Variants in RAPGEF1 observed in about 807,000 individuals in gnomAD.
RAPGEF1 encodes the protein Rap guanine nucleotide exchange factor 1.
RAPGEF1 carries 33 observed loss-of-function variants against 143.3 expected under a neutral mutation model. The ratio of observed to expected loss-of-function variants is 0.23; its 90% CI spans 0.17 to 0.31. RAPGEF1 has a LOEUF of 0.31. Among genes scored for constraint, RAPGEF1 ranks in the 10% least tolerant of loss-of-function variants. The pLI is 1.00. For missense variants in RAPGEF1, 1,199 were observed against 1,645.4 expected (o/e 0.73, Z 4.69); for synonymous variants, 629 against 676.5 (o/e 0.93, Z 1.09).
intron 17 of RAPGEF1, among the ~76,000 whole-genome samples, chr9:131,593,921 C>T (rs1954798251): frequency 6.6e-6 from 1 of 152,234 alleles, no homozygotes; most frequent in Admixed American, 6.5e-5. Context: ...GCATCATTGC[C>T]AGTAGCCATG....
At chr9:131,599,400 C>T (rs991302901) in intron 15 of RAPGEF1, among the ~76,000 whole-genome samples, 17 of 143,414 alleles carry the variant, frequency 1.2e-4, no homozygotes, top group Admixed American at 3.5e-4. Flanking sequence ...AGATTATAAG[C>T]ATGAGCCACC....
Position 131,628,143 on chromosome 9 carries a change from G to T in RAPGEF1, c.1018-47C>A. 1 of 1,468,098 alleles carries T rather than the reference G, an allele frequency of 6.8e-7. No individual in the cohort carries two copies. The highest frequency in any genetic ancestry group is 9.1e-7 in the Non-Finnish European group (1 of 1,104,260). 90.9% of individuals were successfully genotyped at this position (1,468,098 alleles called of 1,614,324 possible). On this transcript the variant is annotated intron_variant, in intron 8 of 26. Coordinates refer to ENST00000683357, the MANE Select transcript of RAPGEF1 (RefSeq NM_001377935.1). The surrounding 1 kb of genome is among the most constrained non-coding windows in gnomAD (Gnocchi z 5.7). ...AAAGCCAAATCACTTCTGAGAAACG[G>T]TGGCACAGACCAGGGGTGAGGCAAC...
At chr9:131,616,190 C>G (rs2132731313) in intron 12 of RAPGEF1, among the ~76,000 whole-genome samples, 1 of 152,208 alleles carries the variant, frequency 6.6e-6, no homozygotes, top group African/African-American at 2.4e-5. Context: ...ACGCTTGAAC[C>G]TGGGAGGCGG....
intron 1 of RAPGEF1, among the ~76,000 whole-genome samples, chr9:131,708,272 C>T (rs905417144): frequency 3.3e-5 from 5 of 152,150 alleles, no homozygotes; most frequent in East Asian, 1.9e-4. Flanking sequence ...CAAATGCTAC[C>T]GCAACTTCTT....
chr9:131,614,225 T>C (rs931674937), intron 12 of RAPGEF1, among the ~76,000 whole-genome samples: 2 of 152,068 alleles, frequency 1.3e-5, no homozygotes, highest in Non-Finnish European at 2.9e-5. Flanking sequence ...CCCTGCTCTC[T>C]CTCTCAATGT....
At chr9:131,617,385 A>C (rs1472492581) in intron 12 of RAPGEF1, among the ~76,000 whole-genome samples, 2 of 152,268 alleles carry the variant, frequency 1.3e-5, no homozygotes, top group Non-Finnish European at 2.9e-5. Flanking sequence ...GTGAGGCCTC[A>C]GTACCCATTG....
chr9:131,598,891 C>T (rs1334559072), intron 15 of RAPGEF1, among the ~76,000 whole-genome samples: 1 of 148,088 alleles, frequency 6.8e-6, no homozygotes, highest in Admixed American at 6.8e-5. Flanking sequence ...GTGGCGCAAT[C>T]TTGGCTCATC....
intron 1 of RAPGEF1, among the ~76,000 whole-genome samples, chr9:131,685,700 AG>A (rs1833288089): frequency 6.6e-6 from 1 of 152,198 alleles, no homozygotes; most frequent in Admixed American, 6.5e-5. Flanking sequence ...TCAGCTCTGA[AG>A]GCTGTGAGAC....
intron 1 of RAPGEF1, among the ~76,000 whole-genome samples, chr9:131,729,434 C>T (rs1248696398): frequency 1.3e-5 from 2 of 152,246 alleles, no homozygotes; most frequent in Non-Finnish European, 2.9e-5. Flanking sequence ...AAAGCAGATT[C>T]TCATGCAATA....
Position 131,605,153 on chromosome 9 carries a change from G to A in RAPGEF1, c.2097C>T (p.Phe699=), listed in dbSNP as rs368301616. The A allele has an allele frequency of 1.3e-5, 18 of 1,360,336 alleles. No homozygotes were observed. The highest frequency in any genetic ancestry group is 9.2e-5 in the East Asian group (2 of 21,832). 84.3% of individuals were successfully genotyped at this position (1,360,336 alleles called of 1,614,324 possible). A position where few individuals can be genotyped will look rare whatever the true frequency, so the allele number is the denominator to read the frequency against. ...KSVFRSYSQD[F]VPHHQASVPP... ...GAACGGAAGCTTGGTGGTGAGGCAC[G>A]AAATCCTGGGAGTAGGACCTAAACA... The change falls in exon 13 of 27, where the codon TTC becomes TTT. Residue 699 remains phenylalanine (F), a synonymous_variant. Transcript: ENST00000683357.
At chr9:131,717,578 T>C (rs1463397766) in intron 1 of RAPGEF1, among the ~76,000 whole-genome samples, 1 of 151,978 alleles carries the variant, frequency 6.6e-6, no homozygotes, top group Non-Finnish European at 1.5e-5. Flanking sequence ...GAGTTCAAGA[T>C]CAGTCTTGGC....
chr9:131,688,005 G>A (rs1384606386), intron 1 of RAPGEF1, among the ~76,000 whole-genome samples: 1 of 152,062 alleles, frequency 6.6e-6, no homozygotes, highest in Non-Finnish European at 1.5e-5. Flanking sequence ...GAGGCTTCCC[G>A]GAACCTCTGA....
At chr9:131,590,842 G>A (rs1466623316) in intron 18 of RAPGEF1, among the ~76,000 whole-genome samples, 2 of 152,366 alleles carry the variant, frequency 1.3e-5, no homozygotes, top group East Asian at 3.9e-4. Flanking sequence ...AGGCAGCAGG[G>A]GGCAAGCAGC....
intron 14 of RAPGEF1, 146 bp from the exon 15 acceptor site, chr9:131,602,295 G>A (rs760984444): frequency 2.8e-5 from 17 of 599,474 alleles, no homozygotes; most frequent in African/African-American, 7.4e-5. Flanking sequence ...GATGAATGCC[G>A]TTAATCACAG....
intron 9 of RAPGEF1, among the ~76,000 whole-genome samples, chr9:131,627,623 A>T (rs951268244): frequency 1.3e-5 from 2 of 152,124 alleles, no homozygotes; most frequent in African/African-American, 2.4e-5. Context: ...AATGGCTCTT[A>T]ATTTTGGTAA....
At chr9:131,711,760 C>T (rs1349508239) in intron 1 of RAPGEF1, among the ~76,000 whole-genome samples, 1 of 152,138 alleles carries the variant, frequency 6.6e-6, no homozygotes, top group Non-Finnish European at 1.5e-5. Flanking sequence ...ATTTATTTTA[C>T]AGAGTTGGAT....
chr9:131,582,274 T>A (rs4740286), intron 25 of RAPGEF1, among the ~76,000 whole-genome samples: 6,405 of 151,976 alleles, frequency 0.042, 281 homozygotes, highest in East Asian at 0.18. Context: ...CATACATCTG[T>A]CACAAGCATG....
At position 131,719,535 on chromosome 9, in the gene RAPGEF1, C is replaced by T. The variant is rs369484505; in HGVS notation, c.61+20235G>A. Among the ~76,000 whole-genome samples, 5 of 145,052 alleles carry T rather than the reference C, an allele frequency of 3.4e-5. No homozygotes were observed. The South Asian group carries it at 8.7e-4, about 25-fold the overall frequency. Reference sequence around the variant, plus strand: ...AGCTCTTCAACCCAGCTGGACAAGTCACATAAACCCTTCAGGGCTTTTTTT... The same window carrying T: ...AGCTCTTCAACCCAGCTGGACAAGTTACATAAACCCTTCAGGGCTTTTTTT... On this transcript the variant is annotated intron_variant, in intron 1 of 26. Coordinates refer to ENST00000683357, the MANE Select transcript of RAPGEF1 (RefSeq NM_001377935.1).
At chr9:131,630,184 G>C in intron 6 of RAPGEF1, 52 bp downstream of exon 6, 1 of 1,556,162 alleles carries the variant, frequency 6.4e-7, no homozygotes, top group Non-Finnish European at 8.9e-7. Flanking sequence ...GTCAAGTGCA[G>C]ACTTTGCCAC....
Sources: allele counts gnomAD v4.1 joint callset (sites outside exome capture counted in the v4.1 genomes callset), GRCh38; gene constraint gnomAD v4.1.1; non-coding constraint Gnocchi (gnomAD v3.1); transcripts MANE v1.5; gene names NCBI Gene and HGNC (gene_info 2026-07-23, HGNC 2026-07-21).